Variants in SYNPO observed in about 807,000 individuals in gnomAD.
SYNPO encodes the protein synaptopodin.
A neutral mutation model predicts 49.5 loss-of-function variants in SYNPO; 19 were observed. The observed-to-expected ratio is 0.38, with a 90% CI of 0.27 to 0.56. The LOEUF is 0.56. Among genes scored for constraint, SYNPO ranks in the 20% least tolerant of loss-of-function variants. The pLI, the probability that SYNPO is intolerant of heterozygous loss-of-function variation, is 0.68. For missense variants in SYNPO, 1,131 were observed against 1,248.3 expected (o/e 0.91, Z 1.42); for synonymous variants, 536 against 548.0 (o/e 0.98, Z 0.31).
exon 2 of SYNPO, chr5:150,618,685 G>C: frequency 1.9e-6 from 3 of 1,551,286 alleles, no homozygotes; most frequent in Non-Finnish European, 2.6e-6. Flanking sequence ...GGGCCAGCCA[G>C]GACTGGGATG....
chr5:150,623,858 G>C (rs552671200), intron 2 of SYNPO, among the ~76,000 whole-genome samples: 1 of 152,304 alleles, frequency 6.6e-6, no homozygotes, highest in East Asian at 1.9e-4. Flanking sequence ...GGAAACTTCG[G>C]TGAAAACCTA....
chr5:150,646,225 G>C (rs1448340172), intron 1 of SYNPO, among the ~76,000 whole-genome samples: 3 of 151,428 alleles, frequency 2.0e-5, no homozygotes, highest in Non-Finnish European at 4.4e-5. Context: ...CGATAGTCCA[G>C]ATATTTGGGA....
Position 150,657,419 on chromosome 5 carries a change from C to CTCTT in SYNPO, c.*335_*336insTTCT, listed in dbSNP as rs1758613282. ...CGATGCACACACACTCTCTCTTTCT[C>CTCTT]TCTCTCTCTCTCTCACACACACACA... On this transcript the variant is annotated 3_prime_UTR_variant, in exon 3 of 3. Transcript: ENST00000307662. 1 of 160,654 alleles carries CTCTT rather than the reference C, an allele frequency of 6.2e-6. No individual in the cohort carries two copies. Among genetic ancestry groups the CTCTT allele is most frequent in the South Asian group, 7.2e-5 (1 of 13,940 alleles). The allele number at this position is 160,654 out of a possible 1,614,324, so 10.0% of individuals were successfully genotyped here.
At chr5:150,586,839 C>T in the SYNPO span, among the ~76,000 whole-genome samples, 4 of 151,946 alleles carry the variant, frequency 2.6e-5, no homozygotes, top group African/African-American at 7.3e-5. Flanking sequence ...TACATGGATG[C>T]ATGGATGGAT....
At chr5:150,627,855 G>C (rs1261474933) in intron 2 of SYNPO, among the ~76,000 whole-genome samples, 1 of 152,150 alleles carries the variant, frequency 6.6e-6, no homozygotes. Context: ...GGGGCTAGGG[G>C]CTGGGACCAG....
At chr5:150,601,364 T>C (rs1251262904) in intron 1 of SYNPO, among the ~76,000 whole-genome samples, 1 of 151,990 alleles carries the variant, frequency 6.6e-6, no homozygotes, top group Non-Finnish European at 1.5e-5. Context: ...AGCTCTCCTG[T>C]TAACTGAAAC....
rs778369948 is a variant in SYNPO, at chr5:150,656,617, C to T, written c.2242C>T (p.Pro748Ser). Residue 748 changes from proline (P) to serine (S), a missense_variant, in exon 3 of 3, where the codon CCC (proline) becomes TCC (serine). Coordinates refer to ENST00000307662, the MANE Select transcript of SYNPO (RefSeq NM_007286.6). Reference protein sequence around the residue: ...SPLRPETEARPPSRQLQALLA... With the variant: ...SPLRPETEARSPSRQLQALLA... ...GCTGCGACCTGAGACCGAGGCGCGG[C>T]CCCCCAGCCGCCAGCTGCAGGCGCT... is the stretch of plus-strand genomic sequence containing the variant. 71 of 1,511,786 alleles carry T rather than the reference C, an allele frequency of 4.7e-5. 2 individuals carry two copies. In the South Asian group the frequency reaches 8.3e-4, roughly 18 times the overall value. The allele number at this position is 1,511,786 out of a possible 1,614,324, so 93.6% of individuals were successfully genotyped here. A position where few individuals can be genotyped will look rare whatever the true frequency, so the allele number is the denominator to read the frequency against.
At chr5:150,637,986 T>G (rs1294713767), upstream of SYNPO, among the ~76,000 whole-genome samples, 1 of 151,952 alleles carries the variant, frequency 6.6e-6, no homozygotes, top group African/African-American at 2.4e-5. Context: ...TGTGGAACTG[T>G]GCCTAGCCCT....
intron 2 of SYNPO, chr5:150,650,878 G>A: frequency 7.9e-7 from 1 of 1,258,386 alleles, no homozygotes; most frequent in Non-Finnish European, 1.0e-6. Context: ...TCTGCCTTCT[G>A]GACACCGTTT....
rs771775641 is a variant in SYNPO, at chr5:150,648,821, C to T, written c.546C>T (p.Pro182=). The T allele has an allele frequency of 2.5e-6, 4 of 1,614,234 alleles. No individual in the cohort carries two copies. The East Asian group carries it at 8.9e-5, about 36-fold the overall frequency. The change falls in exon 2 of 3, where the codon CCC becomes CCT. Residue 182 remains proline (P), a synonymous_variant. Transcript: ENST00000307662. This position sits in a 1 kb window ranked among gnomAD's most constrained non-coding sequence, Gnocchi z 5.0. The part of the protein sequence containing the change: ...REATLIPSSR[P]PASDFMSSSL... Reference sequence around the variant, plus strand: ...CTACGCTCATCCCCAGCTCCAGGCCCCCAGCCTCAGATTTCATGTCCAGCT... The same window carrying T: ...CTACGCTCATCCCCAGCTCCAGGCCTCCAGCCTCAGATTTCATGTCCAGCT...
At chr5:150,622,920 G>A (rs913983452) in intron 2 of SYNPO, among the ~76,000 whole-genome samples, 4 of 152,176 alleles carry the variant, frequency 2.6e-5, no homozygotes, top group Non-Finnish European at 4.4e-5. Flanking sequence ...ATCTACACAT[G>A]ATGTATAGAT....
the SYNPO span, among the ~76,000 whole-genome samples, chr5:150,587,015 A>G: frequency 6.6e-6 from 1 of 151,570 alleles, no homozygotes; most frequent in Non-Finnish European, 1.5e-5. Context: ...TGGATATATG[A>G]ATTCATGGAT....
chr5:150,613,767 A>G (rs1340274846), intron 1 of SYNPO, among the ~76,000 whole-genome samples: 1 of 152,104 alleles, frequency 6.6e-6, no homozygotes, highest in Admixed American at 6.5e-5. Flanking sequence ...CCACCTATAA[A>G]ATTAGATCTT....
chr5:150,608,632 C>G (rs554966740), intron 1 of SYNPO: 1 of 152,264 alleles, frequency 6.6e-6, no homozygotes, highest in African/African-American at 2.4e-5. Context: ...CTTTCCCCAT[C>G]CCTGTATGAT....
At chr5:150,617,177 A>G (rs1278498312) in intron 1 of SYNPO, among the ~76,000 whole-genome samples, 2 of 152,164 alleles carry the variant, frequency 1.3e-5, no homozygotes, top group Admixed American at 1.3e-4. Flanking sequence ...CATTTTACAG[A>G]CGGGGAAGTG....
intron 1 of SYNPO, among the ~76,000 whole-genome samples, chr5:150,602,995 A>AGGGGGGG (rs373724432): frequency 1.1e-5 from 1 of 87,436 alleles, no homozygotes; most frequent in African/African-American, 4.7e-5. Context: ...TTGCCACCTT[A>AGGGGGGG]GGGTGTGTGT....
Position 150,607,694 on chromosome 5 carries a change from T to C in SYNPO, c.-266+6506T>C, listed in dbSNP as rs186655570. On this transcript the variant is annotated intron_variant, in intron 1 of 2. Transcript: ENST00000394243. ...GTATGGCAGTGGAGACCAGCCCTCC[T>C]GACTGCAATGCCAGCACTGTCCCCT... Among the ~76,000 whole-genome samples, 145 of 152,066 alleles carry C rather than the reference T, an allele frequency of 9.5e-4. 2 individuals are homozygous for C. The highest frequency in any genetic ancestry group is 3.4e-3 in the African/African-American group (139 of 41,462).
rs770175145 is a variant in SYNPO, at chr5:150,658,975, C to T, written c.*1888C>T. ...GCCCCTCCCAGGGAAGGGACACCAT[C>T]AGGCCTCTGGCTGAGGCAGTAGCAT... On this transcript the variant is annotated 3_prime_UTR_variant, in exon 3 of 3. Transcript: ENST00000307662. 1.3e-5 allele frequency: 2 copies of T among 152,352 alleles called. No homozygotes were observed. The highest frequency in any genetic ancestry group is 1.9e-4 in the East Asian group (1 of 5,330). 9.4% of individuals were successfully genotyped at this position (152,352 alleles called of 1,614,324 possible).
At chr5:150,620,616 G>A (rs2151371161) in intron 2 of SYNPO, among the ~76,000 whole-genome samples, 1 of 152,344 alleles carries the variant, frequency 6.6e-6, no homozygotes, top group African/African-American at 2.4e-5. Flanking sequence ...ATCTTGGAAT[G>A]GAAGAGCCCA....
Sources: gnomAD v4.1 joint callset for allele counts (sites outside exome capture counted in the v4.1 genomes callset) on GRCh38, gnomAD v4.1.1 for gene constraint, Gnocchi (gnomAD v3.1) non-coding constraint, MANE v1.5 for transcripts, NCBI Gene and HGNC (gene_info 2026-07-23, HGNC 2026-07-21) for gene names.